TMTC4: variants seen among roughly 807,000 people sequenced by gnomAD.
TMTC4 encodes transmembrane O-mannosyltransferase targeting cadherins 4.
TMTC4 carries 65 observed loss-of-function variants against 86.0 expected under a neutral mutation model. The observed-to-expected ratio is 0.76, with a 90% CI of 0.62 to 0.93. The LOEUF (loss-of-function observed/expected upper bound fraction) is 0.93. TMTC4 is among the 40% of genes least tolerant of loss of function. The probability of loss-of-function intolerance (pLI) is 0.00; values close to 1 mark genes in which losing one functional copy is unlikely to be tolerated. For missense variants in TMTC4, 866 were observed against 948.1 expected, an observed-to-expected ratio of 0.91 and a Z score of 1.14; for synonymous variants, 379 against 382.5, an observed-to-expected ratio of 0.99 and a Z score of 0.11.
intron 12 of TMTC4, among the ~76,000 whole-genome samples, chr13:100,629,765 G>A (rs760296064): frequency 2.6e-5 from 4 of 152,116 alleles, no homozygotes; most frequent in Non-Finnish European, 5.9e-5. Flanking sequence ...GTCAAATGAG[G>A]TCATATGGTT....
chr13:100,617,294 C>A (rs1461799783), intron 15 of TMTC4, among the ~76,000 whole-genome samples: 1 of 152,022 alleles, frequency 6.6e-6, no homozygotes. Flanking sequence ...ACCACGATGC[C>A]CAGCTAATTT....
intron 1 of TMTC4, among the ~76,000 whole-genome samples, chr13:100,672,000 G>C (rs1168015416): frequency 2.6e-5 from 4 of 152,060 alleles, no homozygotes; most frequent in Non-Finnish European, 5.9e-5. Flanking sequence ...GCACGACCTT[G>C]AACTGCTTAG....
intron 15 of TMTC4, chr13:100,623,801 T>TG (rs1175905933): frequency 5.4e-5 from 21 of 387,142 alleles, no homozygotes; most frequent in Non-Finnish European, 1.0e-4. Flanking sequence ...GCTCCACAGC[T>TG]GGGGCATTGC....
At chr13:100,652,885 C>T (rs1356655699) in intron 6 of TMTC4, among the ~76,000 whole-genome samples, 1 of 152,210 alleles carries the variant, frequency 6.6e-6, no homozygotes, top group Non-Finnish European at 1.5e-5. Context: ...GTCTTTGTAT[C>T]CCCAGCACCG....
At chr13:100,618,758 C>T (rs997259336) in intron 15 of TMTC4, among the ~76,000 whole-genome samples, 4 of 152,298 alleles carry the variant, frequency 2.6e-5, no homozygotes, top group Middle Eastern at 3.4e-3. Flanking sequence ...TTAATCCATT[C>T]AACTCTGAGT....
intron 15 of TMTC4, among the ~76,000 whole-genome samples, chr13:100,616,959 C>T (rs9554709): frequency 0.59 from 89,076 of 151,968 alleles, 26,492 homozygotes; most frequent in Middle Eastern, 0.68. Flanking sequence ...TTCTGTAGGT[C>T]GTCTGTTTAC....
At chr13:100,614,785 A>G (rs1235732645) in intron 15 of TMTC4, 2 of 378,124 alleles carry the variant, frequency 5.3e-6, no homozygotes, top group East Asian at 1.6e-4. Context: ...GAATCAAATC[A>G]TATTTCAGAC....
Position 100,606,367 on chromosome 13 carries a change from C to G in TMTC4, c.2125G>C (p.Gly709Arg). Reference sequence around the variant, plus strand: ...TGAACATTTTTCTTACCCAAATTACCATGGTAACTTGCAGCATTTGGATTT... The same window carrying G: ...TGAACATTTTTCTTACCCAAATTACGATGGTAACTTGCAGCATTTGGATTT... Reference protein sequence around the residue: ...KANPNAASYHGNLAVLYHRWG... With the variant: ...KANPNAASYHRNLAVLYHRWG... Residue 709 changes from glycine to arginine, a missense_variant, in exon 18 of 19, where the codon GGT becomes CGT. Coordinates refer to ENST00000342624, the MANE Select transcript of TMTC4 (RefSeq NM_032813.5). 1 of 1,613,268 alleles carries G rather than the reference C, an allele frequency of 6.2e-7. No individual in the cohort carries two copies. Among genetic ancestry groups the G allele is most frequent in the Middle Eastern group, 1.6e-4 (1 of 6,062 alleles).
At chr13:100,651,906 C>T (rs1044950171) in intron 6 of TMTC4, among the ~76,000 whole-genome samples, 4 of 152,186 alleles carry the variant, frequency 2.6e-5, no homozygotes, top group East Asian at 1.9e-4. Context: ...TGTCTACCAC[C>T]GAAGAGTTAG....
At chr13:100,609,669 ATG>A (rs1491053083) in intron 17 of TMTC4, among the ~76,000 whole-genome samples, 919 of 9,610 alleles carry the variant, frequency 0.096, 9 homozygotes, top group South Asian at 0.37. Flanking sequence ...TGCTCACTAA[ATG>A]TATATATATA....
intron 1 of TMTC4, among the ~76,000 whole-genome samples, chr13:100,672,921 G>A (rs533424073): frequency 3.3e-5 from 5 of 152,244 alleles, no homozygotes; most frequent in African/African-American, 1.2e-4. Context: ...TGGCTCCTCT[G>A]CCATAGCTGG....
chr13:100,637,620 C>A lies in TMTC4; in HGVS notation c.917G>T (p.Arg306Leu), dbSNP rs772420529. 4 of 1,614,164 alleles carry A rather than the reference C, an allele frequency of 2.5e-6. No homozygotes were observed. Among genetic ancestry groups the A allele is most frequent in the Non-Finnish European group, 3.4e-6 (4 of 1,180,044 alleles). The change falls in exon 9 of 19, where the codon CGC (arginine) becomes CTC (leucine). Residue 306 changes from arginine to leucine, a missense_variant. Arg to Leu is a moderately radical substitution (Grantham distance 102). Coordinates refer to ENST00000342624, the MANE Select transcript of TMTC4 (RefSeq NM_032813.5). ...CGGGCCCGTGCCCATGATCCTCCAGCGCACGTAGAGCATCCCAGCCCCTCC... is the reference window on the plus strand; with the variant it reads ...CGGGCCCGTGCCCATGATCCTCCAGAGCACGTAGAGCATCCCAGCCCCTCC... Reference protein sequence around the residue: ...TSGGAGMLYVRWRIMGTGPPA... With the variant: ...TSGGAGMLYVLWRIMGTGPPA...
In TMTC4 at chr13:100,637,440, T is replaced by C. The variant is rs1882392097; in HGVS notation, c.999+98A>G. ...GGTGGCGCGTGTATTGGGGATTTTGTTGGCGTGCAGAGGAGTGAGACGAGG... is the reference window on the plus strand; with the variant it reads ...GGTGGCGCGTGTATTGGGGATTTTGCTGGCGTGCAGAGGAGTGAGACGAGG... On this transcript the variant is annotated intron_variant, in intron 9 of 18. Transcript: ENST00000342624. 7 of 1,454,964 alleles carry C rather than the reference T, an allele frequency of 4.8e-6. No individual in the cohort carries two copies. In the Admixed American group the frequency reaches 8.9e-5, roughly 18 times the overall value. 90.1% of individuals were successfully genotyped at this position (1,454,964 alleles called of 1,614,324 possible).
In TMTC4 at chr13:100,663,182, T is replaced by C; in HGVS notation, c.336-2A>G. On this transcript the variant is annotated splice_acceptor_variant, in intron 4 of 18. Coordinates refer to ENST00000342624, the MANE Select transcript of TMTC4 (RefSeq NM_032813.5). LOFTEE classifies it high-confidence loss of function. ...CCTCCCGAGAGGTAGTAGTTAATCCTGCAGAAACACAGGGTGTTCAGGGTA... is the reference window on the plus strand; with the variant it reads ...CCTCCCGAGAGGTAGTAGTTAATCCCGCAGAAACACAGGGTGTTCAGGGTA... 1 of 1,614,106 alleles carries C rather than the reference T, an allele frequency of 6.2e-7. No homozygotes were observed. The highest frequency in any genetic ancestry group is 8.5e-7 in the Non-Finnish European group (1 of 1,179,990).
rs1400369495 is a variant in TMTC4, at chr13:100,615,403, A to G, written c.1837-973T>C. On this transcript the variant is annotated intron_variant, in intron 15 of 18. Transcript: ENST00000342624. The stretch of plus-strand genomic sequence containing the variant: ...CGATCTGCCTGCCTCAGCCTCCCGA[A>G]GTGCTGGGATTACAGGCGTGAGCCA... Among the ~76,000 whole-genome samples the G allele has an allele frequency of 2.7e-5, 4 of 150,354 alleles. No homozygotes were observed. In the Admixed American group the frequency reaches 2.7e-4, roughly 10 times the overall value.
chr13:100,636,905 T>C (rs1477415024), intron 9 of TMTC4, among the ~76,000 whole-genome samples, 171 bp from the exon 10 acceptor site: 2 of 152,158 alleles, frequency 1.3e-5, no homozygotes, highest in African/African-American at 2.4e-5. Flanking sequence ...TCTGTAAAAA[T>C]GTATTAAATG....
intron 17 of TMTC4, among the ~76,000 whole-genome samples, chr13:100,608,847 C>T (rs908558517): frequency 1.3e-5 from 2 of 152,080 alleles, no homozygotes; most frequent in African/African-American, 4.8e-5. Context: ...GTATTATGTT[C>T]TGAAGCATAT....
chr13:100,673,766 G>A (rs968790752), intron 1 of TMTC4, among the ~76,000 whole-genome samples: 1 of 152,196 alleles, frequency 6.6e-6, no homozygotes, highest in Non-Finnish European at 1.5e-5. Context: ...CAGTTTGCTA[G>A]CTTGTAGCCA....
chr13:100,608,551 G>A (rs1594219471), intron 17 of TMTC4, among the ~76,000 whole-genome samples: 3 of 152,206 alleles, frequency 2.0e-5, no homozygotes, highest in East Asian at 1.9e-4. Flanking sequence ...TCCAAGTCAC[G>A]GGGGCAGCCC....
Sources: gnomAD v4.1 joint callset for allele counts (sites outside exome capture counted in the v4.1 genomes callset) on GRCh38, gnomAD v4.1.1 for gene constraint, MANE v1.5 for transcripts, NCBI Gene and HGNC (gene_info 2026-07-23, HGNC 2026-07-21) for gene names.